The following WWOX variants were observed in gnomAD, a reference collection of about 807,000 sequenced individuals.
The protein encoded by WWOX is WW domain containing oxidoreductase.
WWOX carries 69 observed loss-of-function variants against 46.2 expected under a neutral mutation model. The ratio of observed to expected loss-of-function variants is 1.49; its 90% confidence interval spans 1.23 to 1.82. The LOEUF is 1.82. WWOX is among the 40% of genes most tolerant of loss of function. The pLI is 0.00. For synonymous variants in WWOX, 359 were observed against 202.6 expected, an observed-to-expected ratio of 1.77 and a Z score of -6.56; for missense variants, 919 against 542.6, an observed-to-expected ratio of 1.69 and a Z score of -6.89.
In WWOX at chr16:78,353,936, G is replaced by A. The variant is rs1417330891; in HGVS notation, c.517-32924G>A. On this transcript the variant is annotated intron_variant, in intron 5 of 8. Coordinates refer to ENST00000566780, the MANE Select transcript of WWOX (RefSeq NM_016373.4). ...TTCTGTTCTCTTTATTTCCTTAAGT[G>A]AACATCTGTCTAATTGTTCACCTCC... is the stretch of plus-strand genomic sequence containing the variant. Among the ~76,000 whole-genome samples the A allele has an allele frequency of 5.3e-5, 8 of 152,322 alleles. No homozygotes were observed. In the East Asian group the frequency reaches 1.5e-3, roughly 29 times the overall value.
At chr16:78,471,832 G>A (rs984832782) in intron 8 of WWOX, among the ~76,000 whole-genome samples, 2 of 152,190 alleles carry the variant, frequency 1.3e-5, no homozygotes, top group African/African-American at 2.4e-5. Context: ...GTAGATTTAT[G>A]TACACATTAA....
At chr16:78,498,992 C>G (rs1269247828) in intron 8 of WWOX, among the ~76,000 whole-genome samples, 2 of 152,148 alleles carry the variant, frequency 1.3e-5, no homozygotes, top group East Asian at 1.9e-4. Flanking sequence ...CTTCTGAAGG[C>G]TTTTTGTCTA....
chr16:78,382,791 A>T (rs186766115), intron 5 of WWOX, among the ~76,000 whole-genome samples: 7 of 152,298 alleles, frequency 4.6e-5, no homozygotes, highest in Non-Finnish European at 8.8e-5. Flanking sequence ...AAAATGTCTT[A>T]GAATTATGCA....
At chr16:78,434,527 G>A (rs920104789) in intron 8 of WWOX, among the ~76,000 whole-genome samples, 3 of 152,224 alleles carry the variant, frequency 2.0e-5, no homozygotes, top group African/African-American at 7.2e-5. Flanking sequence ...GGAGAGGAGA[G>A]AGGTGGATTC....
At chr16:78,814,313 A>G (rs1192857181) in intron 8 of WWOX, among the ~76,000 whole-genome samples, 1 of 152,114 alleles carries the variant, frequency 6.6e-6, no homozygotes, top group Non-Finnish European at 1.5e-5. Context: ...CTGGTGAAGT[A>G]TCTCCTTTTC....
intron 8 of WWOX, among the ~76,000 whole-genome samples, chr16:78,516,169 C>T (rs2043231572): frequency 6.6e-6 from 1 of 152,148 alleles, no homozygotes; most frequent in Admixed American, 6.5e-5. Context: ...ACCTGCTGCC[C>T]AAGACCACAG....
chr16:78,392,819 C>T (rs546364284), intron 6 of WWOX, among the ~76,000 whole-genome samples: 65 of 152,230 alleles, frequency 4.3e-4, no homozygotes, highest in Middle Eastern at 3.4e-3. Flanking sequence ...AGGCCCAGCA[C>T]GTCCTGACCT....
At chr16:79,085,849 C>T (rs1339675909) in intron 8 of WWOX, among the ~76,000 whole-genome samples, 1 of 152,034 alleles carries the variant, frequency 6.6e-6, no homozygotes, top group Non-Finnish European at 1.5e-5. Context: ...AGTTCAAGTC[C>T]AGCCTGGGCA....
chr16:78,470,392 C>A (rs1163095983), intron 8 of WWOX, among the ~76,000 whole-genome samples: 1 of 152,158 alleles, frequency 6.6e-6, no homozygotes, highest in Non-Finnish European at 1.5e-5. Context: ...TTTACCTTTT[C>A]CCCCTCAAGA....
chr16:78,575,055 AT>A (rs2044836410), intron 8 of WWOX, among the ~76,000 whole-genome samples: 3 of 15,136 alleles, frequency 2.0e-4, no homozygotes, highest in Non-Finnish European at 2.6e-4. Flanking sequence ...ATATATATAT[AT>A]ATATATATAT....
At chr16:78,692,512 C>A (rs997473555) in intron 8 of WWOX, among the ~76,000 whole-genome samples, 4 of 152,160 alleles carry the variant, frequency 2.6e-5, no homozygotes, top group Non-Finnish European at 5.9e-5. Flanking sequence ...GAATGCCTGC[C>A]TTTGGGTTCT....
intron 8 of WWOX, among the ~76,000 whole-genome samples, chr16:79,060,120 A>G (rs11860637): frequency 0.44 from 66,284 of 152,028 alleles, 15,760 homozygotes; most frequent in Non-Finnish European, 0.53. Context: ...TTTCTGTGTC[A>G]ACCACCATTG....
At chr16:78,414,381 C>G (rs1166091117) in intron 6 of WWOX, among the ~76,000 whole-genome samples, 1 of 152,090 alleles carries the variant, frequency 6.6e-6, no homozygotes, top group African/African-American at 2.4e-5. Context: ...CCAGCCTGGC[C>G]AACGTGGTGA....
chr16:79,134,662 T>C (rs1016772464), intron 8 of WWOX, among the ~76,000 whole-genome samples: 3 of 152,066 alleles, frequency 2.0e-5, no homozygotes, highest in African/African-American at 7.2e-5. Context: ...CACATTTAGG[T>C]CGCGATTTCT....
At chr16:78,491,794 G>A (rs2084791358) in intron 8 of WWOX, among the ~76,000 whole-genome samples, 1 of 152,176 alleles carries the variant, frequency 6.6e-6, no homozygotes, top group Non-Finnish European at 1.5e-5. Context: ...AGCATATAAA[G>A]TCATTTTAAA....
chr16:78,756,348 A>G (rs2049646285), intron 8 of WWOX, among the ~76,000 whole-genome samples: 1 of 152,172 alleles, frequency 6.6e-6, no homozygotes, highest in African/African-American at 2.4e-5. Context: ...TAAAATGAGC[A>G]GCTTTGGGAG....
chr16:78,418,362 C>T (rs1473405063), intron 6 of WWOX, among the ~76,000 whole-genome samples: 1 of 149,248 alleles, frequency 6.7e-6, no homozygotes, highest in African/African-American at 2.5e-5. Flanking sequence ...AGTAAGACTC[C>T]ATCTCAGAAA....
intron 5 of WWOX, among the ~76,000 whole-genome samples, chr16:78,196,655 G>A (rs551285515): frequency 1.3e-5 from 2 of 152,314 alleles, no homozygotes; most frequent in East Asian, 1.9e-4. Flanking sequence ...TGTCTCCACT[G>A]AGACTCTGGG....
At chr16:79,036,907 A>C (rs191044230) in intron 8 of WWOX, among the ~76,000 whole-genome samples, 3 of 152,206 alleles carry the variant, frequency 2.0e-5, no homozygotes, top group East Asian at 1.9e-4. Context: ...TCAGATGGGC[A>C]ATAAGTGGTT....
Sources: allele counts gnomAD v4.1 joint callset (sites outside exome capture counted in the v4.1 genomes callset), GRCh38; gene constraint gnomAD v4.1.1; transcripts MANE v1.5; gene names NCBI Gene and HGNC (gene_info 2026-07-23, HGNC 2026-07-21).